The following OPCML variants were observed in gnomAD, a reference collection of about 807,000 sequenced individuals.
OPCML encodes the protein opioid binding protein/cell adhesion molecule like.
A neutral mutation model predicts 37.8 loss-of-function variants in OPCML; 13 were observed. The ratio of observed to expected loss-of-function variants is 0.34; its 90% CI spans 0.22 to 0.55. The LOEUF is 0.55. Ranked by LOEUF, OPCML falls within the 20% of genes least tolerant of loss-of-function variation. OPCML has a pLI of 0.91. For missense variants in OPCML, 341 were observed against 435.6 expected (o/e 0.78, Z 1.93); for synonymous variants, 176 against 168.8 (o/e 1.04, Z -0.33).
chr11:132,475,377 A>G lies in OPCML; in HGVS notation c.506-38018T>C, dbSNP rs77297174. 2.9e-3 allele frequency among the ~76,000 whole-genome samples: 449 copies of G among 152,344 alleles called. 4 individuals are homozygous for G. Among genetic ancestry groups the G allele is most frequent in the African/African-American group, 0.01 (423 of 41,584 alleles). On this transcript the variant is annotated intron_variant, in intron 4 of 7. Transcript: ENST00000524381. ...TCAAGAAATTCATTAACCTCTTGCTATGGGCTGAACTGTAACTGTGCCCCA... is the reference window on the plus strand; with the variant it reads ...TCAAGAAATTCATTAACCTCTTGCTGTGGGCTGAACTGTAACTGTGCCCCA...
chr11:132,517,362 G>A (rs139838236), intron 4 of OPCML, among the ~76,000 whole-genome samples: 1 of 152,256 alleles, frequency 6.6e-6, no homozygotes, highest in East Asian at 1.9e-4. Flanking sequence ...TCTTTCAAAT[G>A]TACTATCAAG....
Position 132,416,650 on chromosome 11 carries a change from G to T in OPCML, c.*3543C>A, listed in dbSNP as rs1276618030. ...CTGTAAATGTATCATCTAGTAAGAGGCATGGATGTAAGAAGAAAGAGACTG... is the reference window on the plus strand; with the variant it reads ...CTGTAAATGTATCATCTAGTAAGAGTCATGGATGTAAGAAGAAAGAGACTG... On this transcript the variant is annotated 3_prime_UTR_variant, in exon 8 of 8. Transcript: ENST00000524381. 8 of 152,074 alleles carry T rather than the reference G, an allele frequency of 5.3e-5. No individual in the cohort carries two copies. Among genetic ancestry groups the T allele is most frequent in the Admixed American group, 2.6e-4 (4 of 15,266 alleles). 9.4% of individuals were successfully genotyped at this position (152,074 alleles called of 1,614,324 possible). A position where few individuals can be genotyped will look rare whatever the true frequency, so the allele number is the denominator to read the frequency against.
At chr11:133,427,557 A>G (rs1592286911) in intron 1 of OPCML, among the ~76,000 whole-genome samples, 1 of 152,168 alleles carries the variant, frequency 6.6e-6, no homozygotes, top group East Asian at 1.9e-4. Context: ...AACAGGATAA[A>G]TAGAAAAAAT....
chr11:132,512,467 C>A (rs1317781565), intron 4 of OPCML, among the ~76,000 whole-genome samples: 1 of 151,934 alleles, frequency 6.6e-6, no homozygotes, highest in Non-Finnish European at 1.5e-5. Flanking sequence ...GTCCACCCAA[C>A]TGGCAAATGA....
At chr11:132,757,150 A>G (rs1339317640) in intron 2 of OPCML, among the ~76,000 whole-genome samples, 1 of 152,118 alleles carries the variant, frequency 6.6e-6, no homozygotes, top group Non-Finnish European at 1.5e-5. Context: ...TCATGGCTAC[A>G]TAGTATTCCA....
At chr11:133,406,104 C>T (rs1047843150) in intron 1 of OPCML, among the ~76,000 whole-genome samples, 1 of 151,998 alleles carries the variant, frequency 6.6e-6, no homozygotes, top group African/African-American at 2.4e-5. Context: ...ACATTACAGT[C>T]CTCAATAAAC....
intron 2 of OPCML, among the ~76,000 whole-genome samples, chr11:132,937,971 A>G (rs2136657951): frequency 6.6e-6 from 1 of 151,978 alleles, no homozygotes; most frequent in South Asian, 2.1e-4. Flanking sequence ...GGTGGATTCA[A>G]CTGTCCCCTC....
intron 4 of OPCML, among the ~76,000 whole-genome samples, chr11:132,468,135 G>T (rs2096125347): frequency 6.6e-6 from 1 of 152,172 alleles, no homozygotes; most frequent in African/African-American, 2.4e-5. Context: ...CTTTACTCAT[G>T]CTTCAGCTCT....
chr11:133,477,303 G>A (rs776242038), intron 1 of OPCML, among the ~76,000 whole-genome samples: 1 of 152,112 alleles, frequency 6.6e-6, no homozygotes, highest in African/African-American at 2.4e-5. Context: ...TGTTCTCTGG[G>A]CTTGTCTCTG....
chr11:132,443,393 C>G (rs1188447137), intron 4 of OPCML, among the ~76,000 whole-genome samples: 1 of 152,182 alleles, frequency 6.6e-6, no homozygotes, highest in Non-Finnish European at 1.5e-5. Flanking sequence ...GTCTTTTTGG[C>G]TCACATGGTT....
At chr11:133,391,331 C>G (rs973848985) in intron 1 of OPCML, among the ~76,000 whole-genome samples, 3 of 152,142 alleles carry the variant, frequency 2.0e-5, no homozygotes, top group African/African-American at 7.2e-5. Flanking sequence ...TTGGGGACTC[C>G]TGTCATTGTG....
In OPCML at chr11:132,420,004, C is replaced by T. The variant is rs527503806; in HGVS notation, c.*189G>A. On this transcript the variant is annotated 3_prime_UTR_variant, in exon 8 of 8. Coordinates refer to ENST00000524381, the MANE Select transcript of OPCML (RefSeq NM_001012393.5). ...ACACGTGGTAGAACCCTGCCCACCC[C>T]GCCCCCAACCCCACTCATTCAAGCT... is the stretch of plus-strand genomic sequence containing the variant. The T allele has an allele frequency of 2.7e-5, 10 of 371,126 alleles. No individual in the cohort carries two copies. The highest frequency in any genetic ancestry group is 1.1e-4 in the Admixed American group (3 of 26,158). 23.0% of individuals were successfully genotyped at this position (371,126 alleles called of 1,614,324 possible). A position where few individuals can be genotyped will look rare whatever the true frequency, so the allele number is the denominator to read the frequency against.
At chr11:132,709,851 T>C (rs551032567) in intron 2 of OPCML, among the ~76,000 whole-genome samples, 1 of 152,314 alleles carries the variant, frequency 6.6e-6, no homozygotes, top group East Asian at 1.9e-4. Context: ...CGTGCGAATA[T>C]CCTGCTTCTC....
chr11:133,188,047 C>G (rs1938162509), intron 1 of OPCML, among the ~76,000 whole-genome samples: 1 of 152,166 alleles, frequency 6.6e-6, no homozygotes, highest in African/African-American at 2.4e-5. Context: ...CAAGCCAAAG[C>G]TCTAAACTAG....
intron 1 of OPCML, among the ~76,000 whole-genome samples, chr11:133,105,307 C>T (rs1949140117): frequency 6.6e-6 from 1 of 152,102 alleles, no homozygotes; most frequent in Non-Finnish European, 1.5e-5. Context: ...AGTGTAGTTG[C>T]TGAGGGCTTC....
chr11:133,109,381 T>C (rs1368671770), intron 1 of OPCML, among the ~76,000 whole-genome samples: 2 of 152,144 alleles, frequency 1.3e-5, no homozygotes, highest in Non-Finnish European at 2.9e-5. Flanking sequence ...TTCCCTTACT[T>C]GTCCCCGCCC....
intron 2 of OPCML, among the ~76,000 whole-genome samples, chr11:132,874,966 C>T (rs572392332): frequency 2.0e-5 from 3 of 152,296 alleles, no homozygotes; most frequent in African/African-American, 7.2e-5. Context: ...AAGATAAATA[C>T]CAGCCCAAGT....
intron 1 of OPCML, among the ~76,000 whole-genome samples, chr11:133,448,447 TG>T (rs1224826407): frequency 2.6e-5 from 4 of 152,036 alleles, no homozygotes; most frequent in Admixed American, 1.3e-4. Context: ...CCTGTAGAAA[TG>T]TCTAGTGTTT....
At chr11:132,992,591 T>C (rs1427506485) in intron 1 of OPCML, among the ~76,000 whole-genome samples, 1 of 152,090 alleles carries the variant, frequency 6.6e-6, no homozygotes, top group Non-Finnish European at 1.5e-5. Flanking sequence ...TGTGTGTGTA[T>C]CGGGGAGAGG....
Sources: allele counts gnomAD v4.1 joint callset (sites outside exome capture counted in the v4.1 genomes callset), GRCh38; gene constraint gnomAD v4.1.1; transcripts MANE v1.5; gene names NCBI Gene and HGNC (gene_info 2026-07-23, HGNC 2026-07-21).